AMBRA1: variants seen among roughly 807,000 people sequenced by gnomAD.
AMBRA1 encodes autophagy and beclin 1 regulator 1, also known as activating molecule in BECN1-regulated autophagy protein 1.
A neutral mutation model predicts 125.4 loss-of-function variants in AMBRA1; 47 were observed. The ratio of observed to expected loss-of-function variants is 0.37; its 90% CI spans 0.30 to 0.48. AMBRA1 has a LOEUF of 0.48. Among genes scored for constraint, AMBRA1 ranks in the 20% least tolerant of loss-of-function variants. The pLI is 0.99. For missense variants in AMBRA1, 1,331 were observed against 1,693.4 expected, an observed-to-expected ratio of 0.79 and a Z score of 3.76; for synonymous variants, 626 against 655.5, an observed-to-expected ratio of 0.95 and a Z score of 0.69.
intron 9 of AMBRA1, among the ~76,000 whole-genome samples, chr11:46,502,499 C>T (rs533187962): frequency 6.6e-6 from 1 of 152,246 alleles, no homozygotes; most frequent in Non-Finnish European, 1.5e-5. Context: ...CCAAAAGTTA[C>T]CCCCTCTTCC....
At chr11:46,441,672 T>G (rs939642278) in intron 12 of AMBRA1, among the ~76,000 whole-genome samples, 2 of 152,196 alleles carry the variant, frequency 1.3e-5, no homozygotes, top group African/African-American at 4.8e-5. Context: ...ACCACTGTAC[T>G]ATGTATTCGA....
chr11:46,459,819 T>C (rs1949021130), intron 11 of AMBRA1, among the ~76,000 whole-genome samples: 1 of 152,062 alleles, frequency 6.6e-6, no homozygotes, highest in Non-Finnish European at 1.5e-5. Flanking sequence ...CATTTTACTA[T>C]TTAATCTCCA....
At chr11:46,580,411 A>G (rs969120040) in intron 1 of AMBRA1, among the ~76,000 whole-genome samples, 6 of 152,158 alleles carry the variant, frequency 3.9e-5, no homozygotes, top group African/African-American at 1.4e-4. Flanking sequence ...CTGCACTTGT[A>G]TGTTTTCACA....
intron 1 of AMBRA1, among the ~76,000 whole-genome samples, chr11:46,554,561 C>T (rs896674871): frequency 6.6e-6 from 1 of 152,152 alleles, no homozygotes; most frequent in Non-Finnish European, 1.5e-5. Context: ...AAAACAATTA[C>T]ACAATCTCTC....
chr11:46,511,123 T>G (rs1340730669), intron 8 of AMBRA1, among the ~76,000 whole-genome samples: 1 of 152,246 alleles, frequency 6.6e-6, no homozygotes, highest in Non-Finnish European at 1.5e-5. Context: ...TTAAGTATCC[T>G]TGTAGAACAC....
At chr11:46,570,503 C>G (rs972513300) in intron 1 of AMBRA1, among the ~76,000 whole-genome samples, 3 of 152,034 alleles carry the variant, frequency 2.0e-5, no homozygotes, top group African/African-American at 7.2e-5. Context: ...TAAAAACATT[C>G]ATTTGTAATA....
At chr11:46,479,063 G>A (rs1472521261) in intron 11 of AMBRA1, among the ~76,000 whole-genome samples, 1 of 152,066 alleles carries the variant, frequency 6.6e-6, no homozygotes, top group Non-Finnish European at 1.5e-5. Context: ...GCCAGGCATG[G>A]TGGCATGTGC....
chr11:46,480,423 G>T (rs1266237558), intron 11 of AMBRA1, among the ~76,000 whole-genome samples: 1 of 152,056 alleles, frequency 6.6e-6, no homozygotes, highest in Non-Finnish European at 1.5e-5. Context: ...AACAAGAAAT[G>T]TCTTATGCCA....
In AMBRA1 at chr11:46,408,496, C is replaced by G. The variant is rs754360086; in HGVS notation, c.3403+17G>C. 3.3e-6 allele frequency: 5 copies of G among 1,510,370 alleles called. No homozygotes were observed. The highest frequency in any genetic ancestry group is 4.4e-6 in the Non-Finnish European group (5 of 1,123,724). 93.6% of individuals were successfully genotyped at this position (1,510,370 alleles called of 1,614,324 possible). ...AGGGTCCCTCTCCCACCCCCTCCAG[C>G]GCCACATGGCTCCTACCTTCACCAG... is the stretch of plus-strand genomic sequence containing the variant. On this transcript the variant is annotated intron_variant, in intron 17 of 17. Coordinates refer to ENST00000683756, the MANE Select transcript of AMBRA1 (RefSeq NM_001387011.1).
intron 11 of AMBRA1, among the ~76,000 whole-genome samples, chr11:46,484,084 G>A (rs1325187837): frequency 6.6e-6 from 1 of 152,188 alleles, no homozygotes; most frequent in Non-Finnish European, 1.5e-5. Context: ...GTGAGTCCCT[G>A]GGTTTATCAT....
intron 14 of AMBRA1, among the ~76,000 whole-genome samples, chr11:46,425,350 G>GT (rs1947075778): frequency 6.7e-6 from 1 of 149,626 alleles, no homozygotes. Flanking sequence ...GTGTGTGTGT[G>GT]TAAGAAGTAG....
intron 1 of AMBRA1, among the ~76,000 whole-genome samples, chr11:46,581,976 C>T (rs2044190260): frequency 6.6e-6 from 1 of 150,598 alleles, no homozygotes; most frequent in African/African-American, 2.4e-5. Flanking sequence ...ATTACCTAGG[C>T]ATGGTGGTGG....
At chr11:46,505,753 G>T (rs1951014889) in intron 9 of AMBRA1, among the ~76,000 whole-genome samples, 1 of 151,994 alleles carries the variant, frequency 6.6e-6, no homozygotes, top group Admixed American at 6.6e-5. Flanking sequence ...CGAGGGGGAA[G>T]GAAGGGGAGA....
chr11:46,518,427 CT>C (rs1951609377), intron 7 of AMBRA1: 1 of 90,962 alleles, frequency 1.1e-5, no homozygotes, highest in Admixed American at 1.4e-4. Context: ...AAGACTCCGT[CT>C]CAAAAAAAAA....
At chr11:46,447,715 GATAGATAGATAGA>G (rs1948366213) in intron 11 of AMBRA1, among the ~76,000 whole-genome samples, 1 of 408 alleles carries the variant, frequency 2.5e-3, no homozygotes, top group African/African-American at 4.5e-3. Context: ...CTTGTAGATA[GATAGATAGATAGA>G]TAGATAGATA....
intron 7 of AMBRA1, among the ~76,000 whole-genome samples, chr11:46,520,617 A>G (rs546302281): frequency 2.1e-5 from 3 of 144,142 alleles, no homozygotes; most frequent in Non-Finnish European, 3.0e-5. Context: ...TTTTTTTGAG[A>G]CGGAGTCTCG....
At chr11:46,426,376 A>G (rs1947136822) in intron 14 of AMBRA1, among the ~76,000 whole-genome samples, 1 of 152,226 alleles carries the variant, frequency 6.6e-6, no homozygotes, top group African/African-American at 2.4e-5. Context: ...ACATGGACGC[A>G]CTACAGAGGA....
At chr11:46,571,765 A>G (rs1011675792) in intron 1 of AMBRA1, among the ~76,000 whole-genome samples, 1 of 145,186 alleles carries the variant, frequency 6.9e-6, no homozygotes, top group African/African-American at 2.6e-5. Flanking sequence ...TCTCAGCTCA[A>G]TGCAACCTCC....
chr11:46,527,531 T>A (rs1268141781), intron 7 of AMBRA1, among the ~76,000 whole-genome samples: 1 of 132,346 alleles, frequency 7.6e-6, no homozygotes, highest in Non-Finnish European at 1.6e-5. Context: ...GGAGAAAATA[T>A]TTGCTAACCA....
Sources: allele counts gnomAD v4.1 joint callset (sites outside exome capture counted in the v4.1 genomes callset), GRCh38; gene constraint gnomAD v4.1.1; transcripts MANE v1.5; gene names NCBI Gene and HGNC (gene_info 2026-07-23, HGNC 2026-07-21).